The following NUP205 variants were observed in gnomAD, a reference collection of about 807,000 sequenced individuals.
NUP205 encodes the protein nucleoporin 205.
NUP205 carries 76 observed loss-of-function variants against 253.8 expected under a neutral mutation model. The ratio of observed to expected loss-of-function variants is 0.30; its 90% CI spans 0.25 to 0.36. NUP205 has a LOEUF of 0.36. Ranked by LOEUF, NUP205 falls within the 10% of genes least tolerant of loss-of-function variation. The probability of loss-of-function intolerance (pLI) is 1.00; values close to 1 mark genes in which losing one functional copy is unlikely to be tolerated. For missense variants in NUP205, 2,162 were observed against 2,425.5 expected (o/e 0.89, Z 2.28); for synonymous variants, 832 against 850.1 (o/e 0.98, Z 0.37).
intron 39 of NUP205, 21 bp downstream of exon 39, chr7:135,643,379 TG>T: frequency 5.0e-6 from 8 of 1,603,690 alleles, no homozygotes; most frequent in Non-Finnish European, 6.8e-6. Context: ...TATAATGAGC[TG>T]GGGGGACTTG....
chr7:135,638,054 C>T lies in NUP205; in HGVS notation c.5260C>T (p.Gln1754Ter), dbSNP rs763494569. The change falls in exon 37 of 43, where the codon CAG becomes TAG. Residue 1754 changes from glutamine to a stop codon, truncating the protein, a stop_gained. Coordinates refer to ENST00000285968, the MANE Select transcript of NUP205 (RefSeq NM_015135.3). LOFTEE classifies it high-confidence loss of function. ...GAAAGATGAGATTGAACTGGCTATGCAGCAGGTAAGAACCATGTGACTTCT... is the reference window on the plus strand; with the variant it reads ...GAAAGATGAGATTGAACTGGCTATGTAGCAGGTAAGAACCATGTGACTTCT... ...SKKDEIELAM[Q>*]QICANVMEYC... 1 of 1,612,866 alleles carries T rather than the reference C, an allele frequency of 6.2e-7. No homozygotes were observed. The highest frequency in any genetic ancestry group is 1.7e-5 in the Admixed American group (1 of 59,684).
intron 36 of NUP205, among the ~76,000 whole-genome samples, chr7:135,636,302 A>G (rs984748916): frequency 2.0e-5 from 3 of 152,152 alleles, no homozygotes; most frequent in Non-Finnish European, 2.9e-5. Flanking sequence ...TTTCTTAACT[A>G]GTCCTTTTTT....
chr7:135,591,668 A>G (rs1000804177), intron 11 of NUP205, 68 bp downstream of exon 11: 2 of 1,382,230 alleles, frequency 1.4e-6, no homozygotes, highest in Admixed American at 2.2e-5. Flanking sequence ...CCCACTACCT[A>G]TTAAGAACAT....
intron 35 of NUP205, among the ~76,000 whole-genome samples, chr7:135,632,379 G>T (rs1475840310): frequency 6.6e-6 from 1 of 152,182 alleles, no homozygotes; most frequent in Non-Finnish European, 1.5e-5. Flanking sequence ...AAGTCACACA[G>T]ATAACACTGC....
intron 7 of NUP205, among the ~76,000 whole-genome samples, chr7:135,583,616 C>T (rs1295109667): frequency 6.6e-6 from 1 of 151,920 alleles, no homozygotes; most frequent in Admixed American, 6.6e-5. Flanking sequence ...AAAAATTAGC[C>T]AGGTGTGTTG....
At chr7:135,630,513 G>A (rs369223860) in intron 35 of NUP205, 43 bp downstream of exon 35, 25 of 1,539,640 alleles carry the variant, frequency 1.6e-5, no homozygotes, top group Admixed American at 4.2e-5. Context: ...ATTCTTTAAA[G>A]ACTGACATAA....
intron 8 of NUP205, 32 bp from the exon 9 acceptor site, chr7:135,587,543 C>A: frequency 1.6e-6 from 2 of 1,287,320 alleles, no homozygotes; most frequent in Non-Finnish European, 2.2e-6. Context: ...AATACATTTA[C>A]ATATTAAAAC....
At chr7:135,601,301 T>C (rs1433620663) in intron 16 of NUP205, 69 bp from the exon 17 acceptor site, 5 of 1,366,072 alleles carry the variant, frequency 3.7e-6, no homozygotes, top group Non-Finnish European at 5.1e-6. Flanking sequence ...CTCATACATT[T>C]CATATAAATC....
At chr7:135,632,337 G>T (rs957874035) in intron 35 of NUP205, among the ~76,000 whole-genome samples, 2 of 152,184 alleles carry the variant, frequency 1.3e-5, no homozygotes, top group African/African-American at 4.8e-5. Flanking sequence ...TACAGCTGAG[G>T]AGGCTGAGGC....
rs765126044 is a variant in NUP205 at position 135,619,709 on chromosome 7, G to A, written c.4231+19G>A. ...AAGACAGGTTTTTTTCATTTAAATTGTCTATAAATTCTATCTTTTGTATTT... is the reference window on the plus strand; with the variant it reads ...AAGACAGGTTTTTTTCATTTAAATTATCTATAAATTCTATCTTTTGTATTT... On this transcript the variant is annotated intron_variant, in intron 29 of 42. Coordinates refer to ENST00000285968, the MANE Select transcript of NUP205 (RefSeq NM_015135.3). 1.9e-6 allele frequency: 3 copies of A among 1,601,390 alleles called. No individual in the cohort carries two copies. The highest frequency in any genetic ancestry group is 2.6e-6 in the Non-Finnish European group (3 of 1,173,686).
chr7:135,618,760 G>A (rs1794410850), intron 28 of NUP205, among the ~76,000 whole-genome samples, 157 bp downstream of exon 28: 1 of 152,178 alleles, frequency 6.6e-6, no homozygotes, highest in African/African-American at 2.4e-5. Flanking sequence ...GATTAATTCT[G>A]TACAGTAGTG....
chr7:135,599,875 T>C (rs1177776436), intron 15 of NUP205, among the ~76,000 whole-genome samples: 4 of 152,218 alleles, frequency 2.6e-5, no homozygotes, highest in African/African-American at 9.6e-5. Flanking sequence ...TGGATTGAGA[T>C]AAATAACAGC....
chr7:135,597,315 T>C, intron 13 of NUP205, 53 bp from the exon 14 acceptor site: 1 of 1,305,822 alleles, frequency 7.7e-7, no homozygotes. Context: ...AAGCCACTAA[T>C]ATTCATTGAT....
At chr7:135,643,447 C>T in intron 39 of NUP205, 89 bp downstream of exon 39, 24 of 938,852 alleles carry the variant, frequency 2.6e-5, no homozygotes, top group Non-Finnish European at 3.8e-5. Context: ...ACAACGTATA[C>T]AGTATGACTG....
intron 1 of NUP205, among the ~76,000 whole-genome samples, chr7:135,562,545 CTT>C (rs34482653): frequency 0.21 from 19,963 of 96,372 alleles, 1,316 homozygotes; most frequent in East Asian, 0.43. Flanking sequence ...GACCAAAATC[CTT>C]TTTTTTTTTT....
chr7:135,565,325 T>C (rs1805721072), intron 1 of NUP205, among the ~76,000 whole-genome samples: 1 of 152,196 alleles, frequency 6.6e-6, no homozygotes, highest in South Asian at 2.1e-4. Context: ...CATTAATACC[T>C]TCCCTTTATA....
At chr7:135,570,593 CT>C (rs1474070710) in intron 1 of NUP205, among the ~76,000 whole-genome samples, 3 of 144,382 alleles carry the variant, frequency 2.1e-5, no homozygotes, top group African/African-American at 5.2e-5. Context: ...ATAAACTATG[CT>C]TTTATATTAG....
Position 135,591,439 on chromosome 7 carries a change from C to G in NUP205, c.1474-11C>G, listed in dbSNP as rs1584657161. ...TACATTATATAAACCATTTGTTTCT[C>G]TCTTTTTCAGGTTGTCTTGTCAAAG... On this transcript the variant is annotated splice_polypyrimidine_tract_variant and intron_variant, in intron 10 of 42. Transcript: ENST00000285968. The G allele has an allele frequency of 2.5e-6, 4 of 1,612,872 alleles. No individual in the cohort carries two copies. In the Admixed American group the frequency reaches 5.0e-5, roughly 20 times the overall value.
intron 1 of NUP205, among the ~76,000 whole-genome samples, chr7:135,570,849 A>T (rs1417271897): frequency 7.3e-5 from 4 of 54,624 alleles, no homozygotes; most frequent in African/African-American, 2.6e-4. Flanking sequence ...TATATATTAC[A>T]TATATTATAT....
Sources: allele counts gnomAD v4.1 joint callset (sites outside exome capture counted in the v4.1 genomes callset), GRCh38; gene constraint gnomAD v4.1.1; transcripts MANE v1.5; gene names NCBI Gene and HGNC (gene_info 2026-07-23, HGNC 2026-07-21).